HACD3: variants seen among roughly 807,000 people sequenced by gnomAD.
HACD3 encodes 3-hydroxyacyl-CoA dehydratase 3, also known as very-long-chain (3R)-3-hydroxyacyl-CoA dehydratase 3.
In HACD3, 30 loss-of-function variants were observed where a neutral mutation model predicts 55.2. The ratio of observed to expected loss-of-function variants is 0.54; its 90% CI spans 0.41 to 0.74. The LOEUF (loss-of-function observed/expected upper bound fraction) is 0.74, where lower values mean the gene tolerates loss of function less well. Among genes scored for constraint, HACD3 ranks in the 30% least tolerant of loss-of-function variants. HACD3 has a pLI of 0.00. For missense variants in HACD3, 363 were observed against 440.1 expected (o/e 0.82, Z 1.57); for synonymous variants, 141 against 151.7 (o/e 0.93, Z 0.52).
chr15:65,565,837 A>T (rs944651919), intron 7 of HACD3: 1 of 152,112 alleles, frequency 6.6e-6, no homozygotes, highest in Non-Finnish European at 1.5e-5. Flanking sequence ...TTTCTTTTCT[A>T]CTGAATCATC....
At chr15:65,563,223 G>T (rs1035210965) in intron 6 of HACD3, among the ~76,000 whole-genome samples, 9 of 152,098 alleles carry the variant, frequency 5.9e-5, no homozygotes, top group Admixed American at 5.2e-4. Context: ...CAGTGCCAAA[G>T]TTATGCAAGG....
chr15:65,564,513 T>A, intron 7 of HACD3, 171 bp downstream of exon 7: 1 of 848,128 alleles, frequency 1.2e-6, no homozygotes, highest in Non-Finnish European at 1.7e-6. Context: ...TGGGAAGGTC[T>A]CACGATCATG....
chr15:65,571,798 A>G, intron 9 of HACD3, 144 bp downstream of exon 9: 2 of 679,090 alleles, frequency 2.9e-6, no homozygotes, highest in Non-Finnish European at 5.0e-6. Flanking sequence ...GCTTCCTTCC[A>G]TAATACTCCT....
chr15:65,532,500 G>C (rs191962776), intron 1 of HACD3, among the ~76,000 whole-genome samples: 1 of 151,952 alleles, frequency 6.6e-6, no homozygotes, highest in Admixed American at 6.6e-5. Context: ...TGGTGCATGC[G>C]TGTAATTCAC....
intron 1 of HACD3, among the ~76,000 whole-genome samples, chr15:65,531,896 T>C (rs940160844): frequency 5.9e-5 from 9 of 152,264 alleles, no homozygotes; most frequent in African/African-American, 9.6e-5. Context: ...GTCATTCTTA[T>C]TGGAAACTTC....
At position 65,562,789 on chromosome 15, in the gene HACD3, G is replaced by C. The variant is rs1254821062; in HGVS notation, c.437G>C (p.Arg146Thr). 1 of 1,613,772 alleles carries C rather than the reference G, an allele frequency of 6.2e-7. No homozygotes were observed. Among genetic ancestry groups the C allele is most frequent in the Non-Finnish European group, 8.5e-7 (1 of 1,179,828 alleles). The change falls in exon 6 of 11, where the codon AGG becomes ACG. Residue 146 changes from arginine to threonine, a missense_variant. Physicochemically the swap from Arg to Thr is moderately conservative, Grantham distance 71 (BLOSUM62 -1). Transcript: ENST00000261875. ...TGCTTTACAGCTCTTACAAACTTAAGGAAAGGATACCTGTTTATGTATAAT... is the reference window on the plus strand; with the variant it reads ...TGCTTTACAGCTCTTACAAACTTAACGAAAGGATACCTGTTTATGTATAAT... ...EGSPETLTNL[R>T]KGYLFMYNLV...
rs778121361 is a variant in HACD3, at chr15:65,556,720, T to C, written c.205-19T>C. ...GGGAACAGAAGAGGGCATTCTCACA[T>C]TTTCACTTTCTCTCCTAGCCTGTTT... On this transcript the variant is annotated intron_variant, in intron 3 of 10. Coordinates refer to ENST00000261875, the MANE Select transcript of HACD3 (RefSeq NM_016395.4). The C allele has an allele frequency of 1.3e-6, 2 of 1,584,992 alleles. No homozygotes were observed. Among genetic ancestry groups the C allele is most frequent in the African/African-American group, 1.3e-5 (1 of 74,638 alleles).
chr15:65,567,949 G>A (rs190719656), intron 7 of HACD3, among the ~76,000 whole-genome samples: 122 of 149,974 alleles, frequency 8.1e-4, no homozygotes, highest in South Asian at 1.7e-3. Flanking sequence ...TTTTTTGAGA[G>A]TCTCGCCCTG....
At chr15:65,554,834 G>A in intron 2 of HACD3, 53 bp from the exon 3 acceptor site, 1 of 1,327,680 alleles carries the variant, frequency 7.5e-7, no homozygotes. Flanking sequence ...GCTGGCTTTT[G>A]GATGGCCTTG....
At chr15:65,551,191 GCT>G (rs747954654) in intron 1 of HACD3, 6 of 154,918 alleles carry the variant, frequency 3.9e-5, no homozygotes, top group African/African-American at 4.8e-5. Flanking sequence ...TTCCTGTTGT[GCT>G]CTCTCTCTCT....
At chr15:65,562,649 TTGTG>T in intron 5 of HACD3, 121 bp from the exon 6 acceptor site, 1 of 1,302,140 alleles carries the variant, frequency 7.7e-7, no homozygotes, top group Non-Finnish European at 1.0e-6. Flanking sequence ...GACCAGGTAT[TTGTG>T]TGGGAGCTTA....
Position 65,535,741 on chromosome 15 carries a change from G to A in HACD3, c.87+5023G>A, listed in dbSNP as rs2071948124. ...GGCAGGGTCTCACTCTGTTGCCCAG[G>A]TTGGAGTGCAGCAGTGTGATCATAG... On this transcript the variant is annotated intron_variant, in intron 1 of 10. Transcript: ENST00000261875. 9.0e-6 allele frequency: 5 copies of A among 557,770 alleles called. No individual in the cohort carries two copies. The East Asian group carries it at 1.3e-4, about 14-fold the overall frequency. 34.6% of individuals were successfully genotyped at this position (557,770 alleles called of 1,614,324 possible).
chr15:65,559,703 C>T lies in HACD3; in HGVS notation c.421+972C>T, dbSNP rs115358213. Among the ~76,000 whole-genome samples the T allele has an allele frequency of 2.6e-3, 395 of 151,552 alleles. 1 individual carries two copies. Among genetic ancestry groups the T allele is most frequent in the African/African-American group, 9.1e-3 (377 of 41,246 alleles). On this transcript the variant is annotated intron_variant, in intron 5 of 10. Coordinates refer to ENST00000261875, the MANE Select transcript of HACD3 (RefSeq NM_016395.4). ...GGAATTTTAAAAAATATTTGAATAGCGACTACCTTAGGGGAATATTCTTTC... is the reference window on the plus strand; with the variant it reads ...GGAATTTTAAAAAATATTTGAATAGTGACTACCTTAGGGGAATATTCTTTC...
intron 10 of HACD3, 33 bp downstream of exon 10, chr15:65,572,399 T>G (rs1305597355): frequency 6.6e-6 from 10 of 1,507,276 alleles, no homozygotes; most frequent in African/African-American, 1.4e-5. Flanking sequence ...AGACTTTTTC[T>G]TGTCACTTCT....
chr15:65,560,383 CTG>C (rs2072232688), intron 5 of HACD3, among the ~76,000 whole-genome samples: 1 of 152,158 alleles, frequency 6.6e-6, no homozygotes, highest in Admixed American at 6.5e-5. Flanking sequence ...TTCCTTTACT[CTG>C]TAATTGGCTG....
At chr15:65,557,767 T>C (rs2072207776) in intron 4 of HACD3, among the ~76,000 whole-genome samples, 1 of 152,218 alleles carries the variant, frequency 6.6e-6, no homozygotes, top group African/African-American at 2.4e-5. Flanking sequence ...ATTTATATCA[T>C]GTGAGTACAT....
intron 7 of HACD3, among the ~76,000 whole-genome samples, chr15:65,568,406 T>A (rs982135239): frequency 6.6e-6 from 1 of 151,936 alleles, no homozygotes; most frequent in Non-Finnish European, 1.5e-5. Flanking sequence ...TCACCCAGGC[T>A]GGAGTGCAGT....
intron 10 of HACD3, among the ~76,000 whole-genome samples, chr15:65,575,836 T>C (rs2072395654): frequency 6.6e-6 from 1 of 152,244 alleles, no homozygotes; most frequent in Non-Finnish European, 1.5e-5. Context: ...CTTACGCCTG[T>C]AATCCCAGTA....
intron 1 of HACD3, among the ~76,000 whole-genome samples, chr15:65,549,571 G>C (rs2072112132): frequency 7.1e-6 from 1 of 140,422 alleles, no homozygotes; most frequent in African/African-American, 2.8e-5. Context: ...CTGTACTCCA[G>C]CCTGGGTGAC....
Sources: gnomAD v4.1 joint callset for allele counts (sites outside exome capture counted in the v4.1 genomes callset) on GRCh38, gnomAD v4.1.1 for gene constraint, MANE v1.5 for transcripts, NCBI Gene and HGNC (gene_info 2026-07-23, HGNC 2026-07-21) for gene names.